Variants in NCOA1 observed in about 807,000 individuals in gnomAD.
NCOA1 encodes the protein Hin-2 protein.
In NCOA1, 35 loss-of-function variants were observed where a neutral mutation model predicts 150.9. The ratio of observed to expected loss-of-function variants is 0.23; its 90% CI spans 0.18 to 0.31. The LOEUF (loss-of-function observed/expected upper bound fraction) is 0.31. Among genes scored for constraint, NCOA1 ranks in the 10% least tolerant of loss-of-function variants. NCOA1 has a pLI of 1.00. For synonymous variants in NCOA1, 590 were observed against 630.0 expected (o/e 0.94, Z 0.95); for missense variants, 1,491 against 1,749.3 (o/e 0.85, Z 2.63).
intron 13 of NCOA1, among the ~76,000 whole-genome samples, chr2:24,710,073 T>C (rs1213046448): frequency 6.6e-6 from 1 of 151,600 alleles, no homozygotes; most frequent in Non-Finnish European, 1.5e-5. Flanking sequence ...TATTCTTTTT[T>C]ATTTTATTTT....
At chr2:24,629,642 C>T (rs1411213165) in intron 3 of NCOA1, among the ~76,000 whole-genome samples, 3 of 150,078 alleles carry the variant, frequency 2.0e-5, no homozygotes, top group African/African-American at 7.3e-5. Context: ...GAATGTGTGA[C>T]ATCCAAGTCA....
intron 1 of NCOA1, among the ~76,000 whole-genome samples, chr2:24,562,468 A>G (rs1018018794): frequency 2.0e-5 from 3 of 152,186 alleles, no homozygotes; most frequent in Admixed American, 6.5e-5. Context: ...CACAATATAA[A>G]CAATTTACAC....
chr2:24,560,713 C>T (rs1407447156), intron 1 of NCOA1, among the ~76,000 whole-genome samples: 1 of 152,082 alleles, frequency 6.6e-6, no homozygotes, highest in Non-Finnish European at 1.5e-5. Flanking sequence ...TTTGCAGGCC[C>T]ATTGAAACCC....
chr2:24,737,394 T>G (rs1021388188), intron 17 of NCOA1, among the ~76,000 whole-genome samples: 2 of 152,130 alleles, frequency 1.3e-5, no homozygotes, highest in African/African-American at 4.8e-5. Flanking sequence ...ACTTGTAGAT[T>G]TATGCTATTT....
At chr2:24,501,900 G>C (rs1663478608) in intron 1 of NCOA1, among the ~76,000 whole-genome samples, 1 of 152,146 alleles carries the variant, frequency 6.6e-6, no homozygotes, top group Admixed American at 6.5e-5. Context: ...TCATCCAGTT[G>C]TACCCTCTTG....
chr2:24,669,983 A>G (rs529872356), intron 6 of NCOA1, among the ~76,000 whole-genome samples: 1 of 152,184 alleles, frequency 6.6e-6, no homozygotes, highest in Admixed American at 6.5e-5. Flanking sequence ...ACAAAAAAAT[A>G]AAAAATTACC....
At chr2:24,738,604 A>G (rs1281583078) in intron 17 of NCOA1, among the ~76,000 whole-genome samples, 1 of 152,212 alleles carries the variant, frequency 6.6e-6, no homozygotes, top group Non-Finnish European at 1.5e-5. Flanking sequence ...AAGGTTCATG[A>G]TAAATAAATT....
intron 14 of NCOA1, chr2:24,711,476 C>A (rs962487431): frequency 1.2e-5 from 2 of 162,686 alleles, no homozygotes; most frequent in Non-Finnish European, 2.7e-5. Context: ...ATAAAAGATT[C>A]TGTACTAAAA....
chr2:24,515,007 C>T (rs2148117696), intron 1 of NCOA1, among the ~76,000 whole-genome samples: 1 of 152,250 alleles, frequency 6.6e-6, no homozygotes, highest in South Asian at 2.1e-4. Flanking sequence ...CAGAAGAGTG[C>T]TTATCAATCT....
intron 3 of NCOA1, among the ~76,000 whole-genome samples, chr2:24,639,009 T>TA (rs1283993975): frequency 6.6e-6 from 1 of 152,014 alleles, no homozygotes; most frequent in Non-Finnish European, 1.5e-5. Flanking sequence ...TTCAATTTGA[T>TA]TTTTTTTGTA....
At chr2:24,655,500 C>T (rs1327898881) in intron 4 of NCOA1, among the ~76,000 whole-genome samples, 6 of 152,138 alleles carry the variant, frequency 3.9e-5, no homozygotes, top group South Asian at 2.1e-4. Flanking sequence ...TAGACTCACA[C>T]AATAGGTGAG....
intron 20 of NCOA1, among the ~76,000 whole-genome samples, chr2:24,752,869 C>T (rs1374523362): frequency 6.6e-6 from 1 of 151,714 alleles, no homozygotes; most frequent in Non-Finnish European, 1.5e-5. Context: ...AGAATTATCT[C>T]ACTAAAGCCT....
At chr2:24,645,510 G>GA (rs397873594) in intron 4 of NCOA1, among the ~76,000 whole-genome samples, 17,784 of 73,236 alleles carry the variant, frequency 0.24, 1,543 homozygotes, top group Non-Finnish European at 0.3. Context: ...ACTCCTCTCA[G>GA]AAAAAAAAAA....
At chr2:24,674,836 C>T (rs1310360757) in intron 7 of NCOA1, among the ~76,000 whole-genome samples, 1 of 152,106 alleles carries the variant, frequency 6.6e-6, no homozygotes, top group African/African-American at 2.4e-5. Context: ...CTGACTCTAA[C>T]CCTCCTGTTT....
intron 1 of NCOA1, among the ~76,000 whole-genome samples, chr2:24,545,510 G>A (rs745335242): frequency 6.6e-5 from 10 of 152,122 alleles, no homozygotes; most frequent in Non-Finnish European, 1.5e-4. Context: ...AATTTGTGCA[G>A]ACACTCCCCT....
chr2:24,701,530 A>G (rs1416643379), intron 11 of NCOA1, among the ~76,000 whole-genome samples: 1 of 150,674 alleles, frequency 6.6e-6, no homozygotes, highest in African/African-American at 2.4e-5. Context: ...AAAAGAGTAG[A>G]CCAAGAGAGC....
At chr2:24,496,788 T>C (rs1033989937) in intron 1 of NCOA1, among the ~76,000 whole-genome samples, 2 of 152,226 alleles carry the variant, frequency 1.3e-5, no homozygotes, top group African/African-American at 2.4e-5. Flanking sequence ...TGAGAGTTAC[T>C]TTTTGTATTT....
chr2:24,577,718 C>A (rs767708145), intron 2 of NCOA1, among the ~76,000 whole-genome samples: 1 of 152,172 alleles, frequency 6.6e-6, no homozygotes, highest in African/African-American at 2.4e-5. Context: ...TTGTAAAATG[C>A]AAATTAGTCA....
chr2:24,688,163 A>T (rs927295025), intron 8 of NCOA1, among the ~76,000 whole-genome samples: 1 of 152,088 alleles, frequency 6.6e-6, no homozygotes, highest in African/African-American at 2.4e-5. Flanking sequence ...CTTGATGGTC[A>T]TTGAGGTTGA....
Sources: allele counts gnomAD v4.1 joint callset (sites outside exome capture counted in the v4.1 genomes callset), GRCh38; gene constraint gnomAD v4.1.1; transcripts MANE v1.5; gene names NCBI Gene and HGNC (gene_info 2026-07-23, HGNC 2026-07-21).